KIAA1217: variants seen among roughly 807,000 people sequenced by gnomAD.
KIAA1217 encodes sickle tail protein homolog.
In KIAA1217, 88 loss-of-function variants were observed where a neutral mutation model predicts 163.9. The ratio of observed to expected loss-of-function variants is 0.54; its 90% CI spans 0.45 to 0.64. KIAA1217 has a LOEUF of 0.64. Among genes scored for constraint, KIAA1217 ranks in the 30% least tolerant of loss-of-function variants. The pLI is 0.00. For missense variants in KIAA1217, 2,372 were observed against 2,475.0 expected, an observed-to-expected ratio of 0.96 and a Z score of 0.88; for synonymous variants, 903 against 923.1, an observed-to-expected ratio of 0.98 and a Z score of 0.39.
intron 1 of KIAA1217, among the ~76,000 whole-genome samples, chr10:23,895,137 A>C (rs60898922): frequency 0.066 from 10,067 of 152,148 alleles, 1,075 homozygotes; most frequent in African/African-American, 0.23. Flanking sequence ...CAAAATTGAC[A>C]AATGGGATCT....
chr10:24,274,796 A>G (rs1436725179), intron 2 of KIAA1217, among the ~76,000 whole-genome samples: 1 of 152,182 alleles, frequency 6.6e-6, no homozygotes, highest in Non-Finnish European at 1.5e-5. Flanking sequence ...GCATTGAACT[A>G]AGCTTATCTA....
intron 2 of KIAA1217, among the ~76,000 whole-genome samples, chr10:24,228,319 G>A (rs1322061013): frequency 6.6e-6 from 1 of 151,910 alleles, no homozygotes; most frequent in East Asian, 1.9e-4. Flanking sequence ...GCAAAGAGAA[G>A]TATGTCTTAA....
At chr10:23,784,773 C>T (rs1835415282) in intron 1 of KIAA1217, among the ~76,000 whole-genome samples, 1 of 152,136 alleles carries the variant, frequency 6.6e-6, no homozygotes, top group Non-Finnish European at 1.5e-5. Flanking sequence ...TACAATGTCA[C>T]AATTTTCATT....
chr10:24,440,751 A>G (rs1472366179), intron 5 of KIAA1217, among the ~76,000 whole-genome samples: 3 of 152,188 alleles, frequency 2.0e-5, no homozygotes, highest in South Asian at 2.1e-4. Flanking sequence ...AAATGAAGGG[A>G]CAGTAAATGT....
chr10:23,824,654 AAAAAATAT>A (rs1837801312), intron 1 of KIAA1217, among the ~76,000 whole-genome samples: 4 of 101,106 alleles, frequency 4.0e-5, no homozygotes, highest in African/African-American at 2.0e-4. Context: ...AAAAAAATAA[AAAAAATAT>A]ATATATATAT....
At chr10:24,021,437 GA>G (rs1564615836) in intron 2 of KIAA1217, among the ~76,000 whole-genome samples, 1 of 151,614 alleles carries the variant, frequency 6.6e-6, no homozygotes, top group African/African-American at 2.4e-5. Flanking sequence ...AACTCAAAAA[GA>G]AATCAAAGAA....
chr10:23,907,398 G>A (rs1842208829), intron 1 of KIAA1217, among the ~76,000 whole-genome samples: 1 of 151,784 alleles, frequency 6.6e-6, no homozygotes. Context: ...ATTTAGCATG[G>A]GATGTGGTTC....
At chr10:24,121,790 C>T (rs576457024) in intron 2 of KIAA1217, among the ~76,000 whole-genome samples, 2 of 152,124 alleles carry the variant, frequency 1.3e-5, no homozygotes, top group South Asian at 2.1e-4. Flanking sequence ...GGGTTACTAA[C>T]ATTTTCTTTG....
chr10:23,949,104 C>G (rs1450283006), intron 1 of KIAA1217, among the ~76,000 whole-genome samples: 2 of 152,172 alleles, frequency 1.3e-5, no homozygotes, highest in African/African-American at 4.8e-5. Flanking sequence ...TCCTTACTGA[C>G]CTTTCACCTT....
chr10:24,059,460 C>CT (rs1252556345), intron 2 of KIAA1217, among the ~76,000 whole-genome samples: 3 of 152,020 alleles, frequency 2.0e-5, no homozygotes, highest in African/African-American at 7.2e-5. Context: ...AGAATTAATT[C>CT]TTTTTTAAAT....
chr10:23,810,606 T>TTA (rs200038449), intron 1 of KIAA1217, among the ~76,000 whole-genome samples: 25,992 of 128,316 alleles, frequency 0.2, 2,852 homozygotes, highest in Middle Eastern at 0.26. Context: ...TATATATAAA[T>TTA]TATATAAATA....
At chr10:24,361,982 C>CAAAAAAA (rs68117028) in intron 2 of KIAA1217, among the ~76,000 whole-genome samples, 12 of 100,566 alleles carry the variant, frequency 1.2e-4, no homozygotes, top group African/African-American at 2.7e-4. Flanking sequence ...GACTCTGTCT[C>CAAAAAAA]AAAAAAAAAA....
At chr10:23,773,945 A>C (rs370184118) in intron 1 of KIAA1217, among the ~76,000 whole-genome samples, 8,059 of 151,978 alleles carry the variant, frequency 0.053, 684 homozygotes, top group African/African-American at 0.18. Context: ...ATTGAATACC[A>C]TTTATTTCCT....
intron 1 of KIAA1217, among the ~76,000 whole-genome samples, chr10:23,828,183 T>G (rs1426127722): frequency 6.6e-6 from 1 of 152,150 alleles, no homozygotes; most frequent in Non-Finnish European, 1.5e-5. Flanking sequence ...TATGCCAAAC[T>G]CTGAAAATCT....
At chr10:23,788,196 TC>T (rs1230292495) in intron 1 of KIAA1217, among the ~76,000 whole-genome samples, 1 of 152,154 alleles carries the variant, frequency 6.6e-6, no homozygotes, top group Non-Finnish European at 1.5e-5. Flanking sequence ...AGACCCTGTT[TC>T]TGGAAAGGAA....
chr10:23,851,984 GT>G (rs199591351), intron 1 of KIAA1217, among the ~76,000 whole-genome samples: 3 of 151,242 alleles, frequency 2.0e-5, no homozygotes, highest in East Asian at 1.9e-4. Context: ...TCCGATGGTA[GT>G]TTTTTTTTGC....
chr10:24,329,764 T>G (rs1323258451), intron 2 of KIAA1217, among the ~76,000 whole-genome samples: 2 of 152,162 alleles, frequency 1.3e-5, no homozygotes, highest in Non-Finnish European at 2.9e-5. Flanking sequence ...TAGTTATCAT[T>G]GGTTCTTCGT....
intron 2 of KIAA1217, among the ~76,000 whole-genome samples, chr10:24,151,207 G>A (rs1157261939): frequency 6.6e-6 from 1 of 151,820 alleles, no homozygotes; most frequent in African/African-American, 2.4e-5. Context: ...AGAGGGTGGG[G>A]GAAGAACATA....
At chr10:23,819,423 A>G (rs1837515416) in intron 1 of KIAA1217, among the ~76,000 whole-genome samples, 1 of 152,106 alleles carries the variant, frequency 6.6e-6, no homozygotes, top group African/African-American at 2.4e-5. Context: ...GTAATAAGGG[A>G]AAGATATGGA....
Sources: allele counts gnomAD v4.1 joint callset (sites outside exome capture counted in the v4.1 genomes callset), GRCh38; gene constraint gnomAD v4.1.1; transcripts MANE v1.5; gene names NCBI Gene and HGNC (gene_info 2026-07-23, HGNC 2026-07-21).